SLC24A4: variants seen among roughly 807,000 people sequenced by gnomAD.
SLC24A4 encodes solute carrier family 24 member 4, also known as sodium/potassium/calcium exchanger 4.
A neutral mutation model predicts 79.0 loss-of-function variants in SLC24A4; 53 were observed. The ratio of observed to expected loss-of-function variants is 0.67; its 90% confidence interval spans 0.54 to 0.84. The LOEUF (loss-of-function observed/expected upper bound fraction) is 0.84. SLC24A4 is among the 40% of genes least tolerant of loss of function. The pLI is 0.00. For synonymous variants in SLC24A4, 323 were observed against 323.8 expected (o/e 1.00, Z 0.03); for missense variants, 731 against 822.0 (o/e 0.89, Z 1.35).
At chr14:92,465,621 C>T (rs533437099) in intron 12 of SLC24A4, among the ~76,000 whole-genome samples, 4 of 152,258 alleles carry the variant, frequency 2.6e-5, no homozygotes, top group Admixed American at 6.5e-5. Context: ...TCTGCAGCTC[C>T]GCTCCTTCCC....
chr14:92,457,724 C>T (rs985232359), intron 12 of SLC24A4: 2 of 152,396 alleles, frequency 1.3e-5, no homozygotes, highest in African/African-American at 4.8e-5. Flanking sequence ...TGTTTGGCCC[C>T]ATTCTTGGAG....
chr14:92,442,923 T>C, intron 6 of SLC24A4, 107 bp downstream of exon 6: 2 of 894,306 alleles, frequency 2.2e-6, no homozygotes, highest in Non-Finnish European at 1.8e-6. Context: ...ACAGGACAGC[T>C]GAGCTGGATT....
chr14:92,388,867 T>C (rs1889313077), intron 2 of SLC24A4, among the ~76,000 whole-genome samples: 1 of 152,182 alleles, frequency 6.6e-6, no homozygotes, highest in African/African-American at 2.4e-5. Context: ...GACATCTTGC[T>C]CCTGCCTCTG....
intron 2 of SLC24A4, among the ~76,000 whole-genome samples, chr14:92,381,318 A>G (rs767471500): frequency 6.7e-6 from 1 of 150,216 alleles, no homozygotes; most frequent in African/African-American, 2.4e-5. Context: ...ATCCTCAGCA[A>G]ACTAACACGG....
intron 2 of SLC24A4, among the ~76,000 whole-genome samples, chr14:92,327,621 A>C (rs1319645185): frequency 6.6e-6 from 1 of 152,198 alleles, no homozygotes; most frequent in Non-Finnish European, 1.5e-5. Context: ...TGGTGCCCTC[A>C]TCTTGGGCTG....
At chr14:92,472,057 A>C (rs1359661428) in intron 12 of SLC24A4, among the ~76,000 whole-genome samples, 1 of 152,186 alleles carries the variant, frequency 6.6e-6, no homozygotes, top group Admixed American at 6.5e-5. Context: ...CATAGATAGC[A>C]AACAGCTGCC....
In SLC24A4 at chr14:92,338,944, G is replaced by A. The variant is rs555609263; in HGVS notation, c.241+12966G>A. 1.9e-3 allele frequency among the ~76,000 whole-genome samples: 290 copies of A among 152,330 alleles called. 3 individuals carry two copies. The highest frequency in any genetic ancestry group is 1.5e-3 in the East Asian group (8 of 5,170). On this transcript the variant is annotated intron_variant, in intron 2 of 16. Coordinates refer to ENST00000532405, the MANE Select transcript of SLC24A4 (RefSeq NM_153646.4). The stretch of plus-strand genomic sequence containing the variant: ...GTCGGACATAGACTCTGCTTATAGC[G>A]AATGATGACTGGATGGACAGAGTCC...
intron 3 of SLC24A4, among the ~76,000 whole-genome samples, chr14:92,435,120 T>C (rs896731084): frequency 1.3e-5 from 2 of 152,188 alleles, no homozygotes; most frequent in Non-Finnish European, 2.9e-5. Flanking sequence ...AGCTATAACC[T>C]CATTGTAAGT....
chr14:92,337,474 G>C (rs985956601), intron 2 of SLC24A4, among the ~76,000 whole-genome samples: 1 of 152,150 alleles, frequency 6.6e-6, no homozygotes, highest in Non-Finnish European at 1.5e-5. Context: ...CTCTCTCCCT[G>C]GCTGACCCCT....
chr14:92,435,101 G>A (rs1055818939), intron 3 of SLC24A4, among the ~76,000 whole-genome samples: 6 of 152,142 alleles, frequency 3.9e-5, no homozygotes, highest in Admixed American at 3.9e-4. Context: ...ACTTAAAATG[G>A]GCTTATCAAG....
intron 7 of SLC24A4, among the ~76,000 whole-genome samples, chr14:92,444,932 T>C (rs12431980): frequency 6.6e-4 from 95 of 142,932 alleles, no homozygotes; most frequent in African/African-American, 1.7e-3. Flanking sequence ...TACACACACA[T>C]ACACACACAC....
rs571158648 is a variant in SLC24A4 at position 92,484,474 on chromosome 14, G to A, written c.1422+1628G>A. The A allele has an allele frequency of 1.7e-4, 168 of 985,258 alleles. 1 individual carries two copies. In the African/African-American group the frequency reaches 2.0e-3, roughly 12 times the overall value. The allele number at this position is 985,258 out of a possible 1,614,324, so 61.0% of individuals were successfully genotyped here. ...TGTATCCCAAAAGGAAGCTCAGGAC[G>A]GACTCTGTGACTCCTGGTACCGGCT... On this transcript the variant is annotated intron_variant, in intron 13 of 16. Coordinates refer to ENST00000532405, the MANE Select transcript of SLC24A4 (RefSeq NM_153646.4).
At chr14:92,425,465 T>C (rs992361579) in intron 2 of SLC24A4, among the ~76,000 whole-genome samples, 1 of 152,216 alleles carries the variant, frequency 6.6e-6, no homozygotes, top group African/African-American at 2.4e-5. Flanking sequence ...GTGGCTGTCA[T>C]TGGCAAAACA....
At position 92,442,833 on chromosome 14, in the gene SLC24A4, T is replaced by G; in HGVS notation, c.582+17T>G. 1 of 1,604,338 alleles carries G rather than the reference T, an allele frequency of 6.2e-7. No homozygotes were observed. The highest frequency in any genetic ancestry group is 8.5e-7 in the Non-Finnish European group (1 of 1,171,226). On this transcript the variant is annotated intron_variant, in intron 6 of 16. Transcript: ENST00000532405. ...GCTGGCCAGGTCAGTGGTTTCTCCC[T>G]GGGCCCGGCAGATGCATGCCCTGAA... is the stretch of plus-strand genomic sequence containing the variant.
intron 2 of SLC24A4, among the ~76,000 whole-genome samples, chr14:92,370,469 G>T (rs1812756168): frequency 6.6e-6 from 1 of 151,864 alleles, no homozygotes; most frequent in African/African-American, 2.4e-5. Flanking sequence ...TCTGTGAATG[G>T]TGTTCATGTA....
intron 12 of SLC24A4, among the ~76,000 whole-genome samples, chr14:92,472,315 T>G (rs1262661566): frequency 1.3e-5 from 2 of 152,164 alleles, no homozygotes; most frequent in East Asian, 3.8e-4. Flanking sequence ...GAAAGTTCTT[T>G]AGTGGTGATT....
chr14:92,381,775 C>T (rs1355289959), intron 2 of SLC24A4, among the ~76,000 whole-genome samples: 5 of 148,636 alleles, frequency 3.4e-5, no homozygotes, highest in African/African-American at 9.9e-5. Context: ...AAAAAAAATA[C>T]GGTAAAAGCT....
intron 2 of SLC24A4, among the ~76,000 whole-genome samples, chr14:92,427,072 G>T (rs1891602834): frequency 6.6e-6 from 1 of 152,232 alleles, no homozygotes; most frequent in African/African-American, 2.4e-5. Context: ...ACAACGAGCA[G>T]CTCACAGAAA....
At chr14:92,429,516 A>G (rs1298057333) in intron 2 of SLC24A4, among the ~76,000 whole-genome samples, 1 of 152,266 alleles carries the variant, frequency 6.6e-6, no homozygotes, top group African/African-American at 2.4e-5. Context: ...GGATCCATTT[A>G]ATAATGGCCT....
Sources: allele counts gnomAD v4.1 joint callset (sites outside exome capture counted in the v4.1 genomes callset), GRCh38; gene constraint gnomAD v4.1.1; transcripts MANE v1.5; gene names NCBI Gene and HGNC (gene_info 2026-07-23, HGNC 2026-07-21).